CFAP54: variants seen among roughly 807,000 people sequenced by gnomAD.
CFAP54 encodes cilia- and flagella-associated protein 54.
CFAP54 carries 290 observed loss-of-function variants against 370.4 expected under a neutral mutation model. The ratio of observed to expected loss-of-function variants is 0.78; its 90% CI spans 0.71 to 0.86. CFAP54 has a LOEUF of 0.86. Among genes scored for constraint, CFAP54 ranks in the 40% least tolerant of loss-of-function variants. The pLI, the probability that CFAP54 is intolerant of heterozygous loss-of-function variation, is 0.00. For missense variants in CFAP54, 3,399 were observed against 3,528.7 expected (o/e 0.96, Z 0.93); for synonymous variants, 1,206 against 1,236.5 (o/e 0.98, Z 0.52).
intron 65 of CFAP54, among the ~76,000 whole-genome samples, chr12:96,826,773 TAA>T (rs1959114700): frequency 8.9e-6 from 1 of 112,068 alleles, no homozygotes; most frequent in South Asian, 2.4e-4. Context: ...ATATATTATA[TAA>T]TATATAATTA....
At chr12:96,657,316 C>T (rs1224625308) in intron 36 of CFAP54, among the ~76,000 whole-genome samples, 5 of 152,162 alleles carry the variant, frequency 3.3e-5, no homozygotes, top group African/African-American at 9.7e-5. Context: ...TGCTTTCCTT[C>T]TCCATAGGTG....
intron 56 of CFAP54, among the ~76,000 whole-genome samples, chr12:96,755,839 T>G (rs1401474233): frequency 6.6e-6 from 1 of 151,958 alleles, no homozygotes. Context: ...GGCTAATTTT[T>G]GTATTTTTAG....
intron 65 of CFAP54, among the ~76,000 whole-genome samples, chr12:96,819,071 CT>C (rs1959004650): frequency 6.6e-6 from 1 of 152,252 alleles, no homozygotes; most frequent in Non-Finnish European, 1.5e-5. Context: ...CCTCTGCTCA[CT>C]CCACAATTCC....
chr12:96,796,833 G>C (rs1958768247), intron 63 of CFAP54, among the ~76,000 whole-genome samples: 1 of 151,828 alleles, frequency 6.6e-6, no homozygotes, highest in African/African-American at 2.4e-5. Flanking sequence ...TCTTTTTCTT[G>C]AAGTTTTTAG....
At position 96,813,341 on chromosome 12, in the gene CFAP54, T is replaced by C. The variant is rs113763215; in HGVS notation, c.8957+1499T>C. 9.4e-3 allele frequency among the ~76,000 whole-genome samples: 1,432 copies of C among 152,218 alleles called. 22 individuals carry two copies. The highest frequency in any genetic ancestry group is 0.032 in the African/African-American group (1,335 of 41,514). On this transcript the variant is annotated intron_variant, in intron 64 of 67. Transcript: ENST00000524981. ...AATAAACTATTTCTCTCATCCTGGG[T>C]GGCATTCCTTGTGTTCTTATGAGGC...
rs151338314 is a variant in CFAP54 at position 96,691,077 on chromosome 12, A to T, written c.6082-51A>T. ...ATGTATTTATCTTTTTTGTTTCATT[A>T]TTGAAAATGCTATCTATAGCTCTTT... On this transcript the variant is annotated intron_variant, in intron 43 of 67. Coordinates refer to ENST00000524981, the MANE Select transcript of CFAP54 (RefSeq NM_001306084.2). 4.0e-6 allele frequency: 6 copies of T among 1,516,392 alleles called. No homozygotes were observed. In the Admixed American group the frequency reaches 5.6e-5, roughly 14 times the overall value. The allele number at this position is 1,516,392 out of a possible 1,614,324, so 93.9% of individuals were successfully genotyped here. A position where few individuals can be genotyped will look rare whatever the true frequency, so the allele number is the denominator to read the frequency against.
chr12:96,813,969 T>C (rs113970956), intron 64 of CFAP54, among the ~76,000 whole-genome samples: 4,680 of 152,244 alleles, frequency 0.031, 236 homozygotes, highest in African/African-American at 0.1. Flanking sequence ...GGTGCAGTCA[T>C]GGGGTCCAGG....
chr12:96,614,314 C>A (rs1439731577), intron 26 of CFAP54, among the ~76,000 whole-genome samples: 1 of 152,144 alleles, frequency 6.6e-6, no homozygotes, highest in Non-Finnish European at 1.5e-5. Context: ...AATTCAACAG[C>A]CCTTCATGCT....
At chr12:96,491,776 T>C (rs1954887802) in intron 1 of CFAP54, among the ~76,000 whole-genome samples, 1 of 152,214 alleles carries the variant, frequency 6.6e-6, no homozygotes, top group Non-Finnish European at 1.5e-5. Context: ...TATTTATTTA[T>C]TGATAGGGAG....
chr12:96,661,031 T>TC (rs1470533305), intron 38 of CFAP54, among the ~76,000 whole-genome samples: 1 of 151,954 alleles, frequency 6.6e-6, no homozygotes, highest in Non-Finnish European at 1.5e-5. Context: ...TCCGGGAACC[T>TC]CCACATGTTC....
intron 22 of CFAP54, among the ~76,000 whole-genome samples, chr12:96,584,988 G>T (rs1956062514): frequency 6.7e-6 from 1 of 150,162 alleles, no homozygotes; most frequent in Non-Finnish European, 1.5e-5. Flanking sequence ...CTGGGAAAGA[G>T]AATGTGATTG....
At chr12:96,750,799 T>C (rs148096372) in intron 55 of CFAP54, among the ~76,000 whole-genome samples, 220 of 152,336 alleles carry the variant, frequency 1.4e-3, no homozygotes, top group African/African-American at 5.0e-3. Context: ...ACAGCTTGCT[T>C]CCTGGTGTAT....
intron 17 of CFAP54, among the ~76,000 whole-genome samples, chr12:96,555,185 G>A (rs1955739126): frequency 4.6e-5 from 7 of 151,974 alleles, no homozygotes. Context: ...TATCAGTTGA[G>A]GTTGATACAT....
At chr12:96,715,273 G>C (rs1052817160) in intron 48 of CFAP54, among the ~76,000 whole-genome samples, 16 of 58,074 alleles carry the variant, frequency 2.8e-4, no homozygotes, top group Middle Eastern at 6.7e-3. Context: ...AAAGTGAGAA[G>C]AGTTAGCATC....
At chr12:96,675,630 C>T (rs1215213599) in intron 39 of CFAP54, among the ~76,000 whole-genome samples, 1 of 152,180 alleles carries the variant, frequency 6.6e-6, no homozygotes, top group Non-Finnish European at 1.5e-5. Context: ...TATAAAGACA[C>T]ATGCATAAGT....
At chr12:96,620,550 T>C (rs1458796194) in intron 26 of CFAP54, among the ~76,000 whole-genome samples, 1 of 152,236 alleles carries the variant, frequency 6.6e-6, no homozygotes, top group Non-Finnish European at 1.5e-5. Context: ...AATTACCCCA[T>C]CTTGGGTATG....
intron 48 of CFAP54, among the ~76,000 whole-genome samples, chr12:96,717,844 G>A (rs1957702935): frequency 6.6e-6 from 1 of 152,112 alleles, no homozygotes; most frequent in Non-Finnish European, 1.5e-5. Flanking sequence ...TATATCAGTA[G>A]CCAATAACTT....
intron 30 of CFAP54, among the ~76,000 whole-genome samples, chr12:96,627,373 T>C (rs541366277): frequency 1.2e-4 from 18 of 152,290 alleles, no homozygotes; most frequent in African/African-American, 3.8e-4. Flanking sequence ...CAGTAAACCT[T>C]AAAGCTGCCC....
At chr12:96,655,183 A>G (rs1956907813) in intron 36 of CFAP54, among the ~76,000 whole-genome samples, 1 of 151,606 alleles carries the variant, frequency 6.6e-6, no homozygotes, top group Admixed American at 6.6e-5. Flanking sequence ...ATAGACCCAT[A>G]TATATGGTTT....
Sources: gnomAD v4.1 joint callset for allele counts (sites outside exome capture counted in the v4.1 genomes callset) on GRCh38, gnomAD v4.1.1 for gene constraint, MANE v1.5 for transcripts, NCBI Gene and HGNC (gene_info 2026-07-23, HGNC 2026-07-21) for gene names.